DCP1B: variants seen among roughly 807,000 people sequenced by gnomAD.
DCP1B encodes the protein decapping mRNA 1B, also known as mRNA-decapping enzyme 1B.
Under a neutral mutation model 60.5 loss-of-function variants are expected in DCP1B, and 47 were observed. The observed-to-expected ratio is 0.78, with a 90% confidence interval of 0.61 to 0.99. The LOEUF (loss-of-function observed/expected upper bound fraction) is 0.99. DCP1B is among the 50% of genes least tolerant of loss of function. DCP1B has a pLI of 0.00. For synonymous variants in DCP1B, 267 were observed against 280.3 expected, an observed-to-expected ratio of 0.95 and a Z score of 0.47; for missense variants, 725 against 756.8, an observed-to-expected ratio of 0.96 and a Z score of 0.49.
chr12:1,978,957 A>G (rs1431408920), intron 3 of DCP1B, among the ~76,000 whole-genome samples: 2 of 152,202 alleles, frequency 1.3e-5, no homozygotes, highest in Non-Finnish European at 2.9e-5. Flanking sequence ...CCAGGTTATT[A>G]CCAGAGTTTT....
At chr12:2,003,051 G>A (rs1209966449) in intron 1 of DCP1B, among the ~76,000 whole-genome samples, 1 of 152,154 alleles carries the variant, frequency 6.6e-6, no homozygotes, top group Non-Finnish European at 1.5e-5. Context: ...TTTTGTGTTT[G>A]GCTACTAGGA....
intron 3 of DCP1B, among the ~76,000 whole-genome samples, chr12:1,972,435 G>A (rs962293832): frequency 2.6e-5 from 4 of 152,072 alleles, no homozygotes; most frequent in African/African-American, 9.7e-5. Context: ...GCATATGGTA[G>A]TACACATGCA....
intron 5 of DCP1B, among the ~76,000 whole-genome samples, chr12:1,958,302 G>C (rs781412180): frequency 6.8e-6 from 1 of 147,566 alleles, no homozygotes; most frequent in Non-Finnish European, 1.5e-5. Flanking sequence ...CCTACTGGAA[G>C]AAGACAGGGG....
intron 2 of DCP1B, 126 bp from the exon 3 acceptor site, chr12:1,993,517 C>G: frequency 1.7e-6 from 2 of 1,154,490 alleles, no homozygotes; most frequent in Middle Eastern, 2.9e-4. Context: ...ATATAAGCAG[C>G]CTGTACACGT....
intron 3 of DCP1B, among the ~76,000 whole-genome samples, chr12:1,981,521 T>C (rs113285810): frequency 6.6e-6 from 1 of 152,166 alleles, no homozygotes; most frequent in Non-Finnish European, 1.5e-5. Context: ...TAAGCACAAC[T>C]AGTAATTGCC....
intron 4 of DCP1B, among the ~76,000 whole-genome samples, chr12:1,966,972 C>T (rs912099951): frequency 2.0e-5 from 3 of 152,192 alleles, no homozygotes; most frequent in Non-Finnish European, 4.4e-5. Context: ...ACCCATGTGG[C>T]AGCAGCCATC....
intron 5 of DCP1B, among the ~76,000 whole-genome samples, chr12:1,959,995 A>G (rs2031065834): frequency 1.3e-5 from 2 of 152,290 alleles, no homozygotes; most frequent in South Asian, 4.1e-4. Context: ...GGCTCCTCAA[A>G]AAATTAGAAA....
At position 1,978,632 on chromosome 12, in the gene DCP1B, G is replaced by T. The variant is rs1162269965; in HGVS notation, c.320-10722C>A. Among the ~76,000 whole-genome samples the T allele has an allele frequency of 3.3e-5, 5 of 152,114 alleles. No homozygotes were observed. The East Asian group carries it at 9.6e-4, about 29-fold the overall frequency. ...CTTATGTAACCAACACTGAAAACAA[G>T]ATATAAAATATTTTTATCACTCTTT... is the stretch of plus-strand genomic sequence containing the variant. On this transcript the variant is annotated intron_variant, in intron 3 of 8. Transcript: ENST00000280665.
chr12:1,975,697 G>A (rs2034120919), intron 3 of DCP1B, among the ~76,000 whole-genome samples: 1 of 152,144 alleles, frequency 6.6e-6, no homozygotes, highest in African/African-American at 2.4e-5. Flanking sequence ...TGGTCAAGCT[G>A]AGAACCTTAA....
intron 1 of DCP1B, among the ~76,000 whole-genome samples, chr12:2,001,552 C>T (rs1471743952): frequency 6.6e-6 from 1 of 152,170 alleles, no homozygotes; most frequent in Non-Finnish European, 1.5e-5. Flanking sequence ...TCTATTTTAA[C>T]TTGATTATTC....
rs151043734 is a variant in DCP1B at position 1,968,506 on chromosome 12, C to T, written c.320-596G>A. On this transcript the variant is annotated intron_variant, in intron 3 of 8. Transcript: ENST00000280665. The stretch of plus-strand genomic sequence containing the variant: ...AGGCACTCGGCAAAATCCTCTGAAG[C>T]AAATGAATACAGACGGAAAATGAAA... Among the ~76,000 whole-genome samples, 479 of 152,256 alleles carry T rather than the reference C, an allele frequency of 3.1e-3. 2 individuals carry two copies. The highest frequency in any genetic ancestry group is 0.01 in the African/African-American group (434 of 41,552).
At chr12:1,963,495 G>T (rs113674665) in intron 5 of DCP1B, among the ~76,000 whole-genome samples, 1 of 152,144 alleles carries the variant, frequency 6.6e-6, no homozygotes, top group Admixed American at 6.5e-5. Context: ...ACCTTCAAAC[G>T]GATAACTAAT....
chr12:1,989,809 C>G (rs1398279774), intron 3 of DCP1B, among the ~76,000 whole-genome samples: 5 of 152,176 alleles, frequency 3.3e-5, no homozygotes, highest in Non-Finnish European at 7.3e-5. Context: ...ATGCTAATAT[C>G]TTATTTAGTT....
downstream of DCP1B, among the ~76,000 whole-genome samples, chr12:1,945,352 T>C (rs1421437151): frequency 6.6e-6 from 1 of 152,202 alleles, no homozygotes; most frequent in Non-Finnish European, 1.5e-5. Flanking sequence ...AGTTCAACCA[T>C]TGTGGAAGAC....
chr12:1,957,494 T>A (rs868743350), intron 5 of DCP1B, among the ~76,000 whole-genome samples: 2 of 152,196 alleles, frequency 1.3e-5, no homozygotes, highest in African/African-American at 4.8e-5. Flanking sequence ...AACAAAAAAA[T>A]TTCTATAATT....
At chr12:1,997,665 T>C (rs2041259328) in intron 2 of DCP1B, among the ~76,000 whole-genome samples, 1 of 152,260 alleles carries the variant, frequency 6.6e-6, no homozygotes, top group South Asian at 2.1e-4. Context: ...TCAAAGAATA[T>C]TTAATCTATT....
chr12:1,995,336 T>G (rs1213617068), intron 2 of DCP1B, among the ~76,000 whole-genome samples: 1 of 152,266 alleles, frequency 6.6e-6, no homozygotes, highest in Admixed American at 6.5e-5. Flanking sequence ...GAACGCACCC[T>G]GTGTGCATGG....
chr12:1,996,654 A>C (rs1229393788), intron 2 of DCP1B, among the ~76,000 whole-genome samples: 7 of 32,556 alleles, frequency 2.2e-4, no homozygotes, highest in African/African-American at 6.6e-4. Flanking sequence ...AAAAAAAAAA[A>C]ACAACAAACT....
At chr12:1,968,329 A>C (rs568302772) in intron 3 of DCP1B, among the ~76,000 whole-genome samples, 218 of 150,580 alleles carry the variant, frequency 1.4e-3, no homozygotes, top group Non-Finnish European at 2.6e-3. Flanking sequence ...GCCAGCCTGG[A>C]TGAAAAGAGG....
Sources: gnomAD v4.1 joint callset for allele counts (sites outside exome capture counted in the v4.1 genomes callset) on GRCh38, gnomAD v4.1.1 for gene constraint, MANE v1.5 for transcripts, NCBI Gene and HGNC (gene_info 2026-07-23, HGNC 2026-07-21) for gene names.